FARS2: variants seen among roughly 807,000 people sequenced by gnomAD.
FARS2 encodes phenylalanine--tRNA ligase, mitochondrial.
FARS2 carries 40 observed loss-of-function variants against 46.4 expected under a neutral mutation model. That is an observed-to-expected ratio of 0.86 (90% CI 0.67 to 1.12). The LOEUF (loss-of-function observed/expected upper bound fraction) is 1.12, where lower values mean the gene tolerates loss of function less well. Among genes scored for constraint, FARS2 ranks in the 50% most tolerant of loss-of-function variants. The pLI is 0.00. For synonymous variants in FARS2, 234 were observed against 214.9 expected, an observed-to-expected ratio of 1.09 and a Z score of -0.78; for missense variants, 513 against 567.9, an observed-to-expected ratio of 0.90 and a Z score of 0.98.
intron 4 of FARS2, among the ~76,000 whole-genome samples, chr6:5,466,347 C>G (rs943775076): frequency 7.2e-5 from 11 of 152,326 alleles, no homozygotes; most frequent in African/African-American, 2.6e-4. Flanking sequence ...CTGTGTACCT[C>G]TCTCCGGTGC....
intron 3 of FARS2, among the ~76,000 whole-genome samples, chr6:5,417,653 G>A (rs180940955): frequency 1.3e-5 from 2 of 152,224 alleles, no homozygotes; most frequent in East Asian, 3.9e-4. Flanking sequence ...TTCTCTCTGA[G>A]TCGTTTTGCA....
chr6:5,413,187 G>A (rs1292299374), intron 3 of FARS2, among the ~76,000 whole-genome samples: 1 of 152,206 alleles, frequency 6.6e-6, no homozygotes, highest in Non-Finnish European at 1.5e-5. Context: ...CAATAGTTGA[G>A]CTGAACTATA....
chr6:5,359,029 C>CTTTTTTTTTTTTT lies in FARS2; in HGVS notation c.-21-9521_-21-9520insTTTTTTTTTTTTT, dbSNP rs764897456. On this transcript the variant is annotated intron_variant, in intron 1 of 6. Coordinates refer to ENST00000274680, the MANE Select transcript of FARS2 (RefSeq NM_006567.5). ...TCGAATTATAGTGATGAAAAGATAC[C>CTTTTTTTTTTTTT]CTTTTTTTTTTTTTTTTTTTTTTTT... Among the ~76,000 whole-genome samples, 22 of 72,516 alleles carry CTTTTTTTTTTTTT rather than the reference C, an allele frequency of 3.0e-4. 9 individuals are homozygous for CTTTTTTTTTTTTT. Among genetic ancestry groups the CTTTTTTTTTTTTT allele is most frequent in the African/African-American group, 6.3e-4 (14 of 22,052 alleles). The allele number at this position is 72,516 out of a possible 152,430, so 47.6% of individuals were successfully genotyped here.
At chr6:5,275,656 T>C (rs1766283215) in intron 1 of FARS2, among the ~76,000 whole-genome samples, 1 of 152,096 alleles carries the variant, frequency 6.6e-6, no homozygotes, top group Non-Finnish European at 1.5e-5. Flanking sequence ...TAACATGAAG[T>C]GTTCAGCCAC....
intron 5 of FARS2, among the ~76,000 whole-genome samples, chr6:5,547,107 A>G (rs947137518): frequency 6.6e-6 from 1 of 151,952 alleles, no homozygotes. Flanking sequence ...ATACACTGCC[A>G]TGCCTGGCTA....
intron 6 of FARS2, among the ~76,000 whole-genome samples, chr6:5,651,946 T>A (rs1777389068): frequency 6.6e-6 from 1 of 152,066 alleles, no homozygotes; most frequent in Non-Finnish European, 1.5e-5. Flanking sequence ...GATGACAAGT[T>A]AACACAGCTG....
At chr6:5,545,727 CTG>C (rs1398919270) in intron 5 of FARS2, among the ~76,000 whole-genome samples, 3 of 152,128 alleles carry the variant, frequency 2.0e-5, no homozygotes, top group African/African-American at 7.2e-5. Flanking sequence ...TTCTGTTTCT[CTG>C]TTAGTTTGCT....
At chr6:5,507,615 G>T (rs1389647285) in intron 4 of FARS2, among the ~76,000 whole-genome samples, 1 of 152,206 alleles carries the variant, frequency 6.6e-6, no homozygotes, top group Non-Finnish European at 1.5e-5. Flanking sequence ...AGGAAGCAGA[G>T]CTGTTCATTG....
intron 1 of FARS2, chr6:5,272,515 C>G (rs1581661840): frequency 6.6e-6 from 1 of 151,908 alleles, no homozygotes; most frequent in East Asian, 1.9e-4. Flanking sequence ...GTCTCAGATT[C>G]TTTTATTTAT....
At chr6:5,588,797 C>A in intron 5 of FARS2, among the ~76,000 whole-genome samples, 1 of 152,198 alleles carries the variant, frequency 6.6e-6, no homozygotes, top group East Asian at 1.9e-4. Context: ...CCAACTGCCT[C>A]ATCTGTGATC....
chr6:5,712,868 G>A (rs939910340), intron 6 of FARS2, among the ~76,000 whole-genome samples: 2 of 152,226 alleles, frequency 1.3e-5, no homozygotes, highest in South Asian at 2.1e-4. Flanking sequence ...AACCTGTTAC[G>A]AATGCTTAGT....
At chr6:5,525,042 A>G (rs926313195) in intron 4 of FARS2, among the ~76,000 whole-genome samples, 1 of 151,936 alleles carries the variant, frequency 6.6e-6, no homozygotes, top group Non-Finnish European at 1.5e-5. Context: ...TGGCCAATAA[A>G]TAGGCCTCTG....
chr6:5,323,225 T>C (rs553225157), intron 1 of FARS2, among the ~76,000 whole-genome samples: 1 of 152,234 alleles, frequency 6.6e-6, no homozygotes, highest in Non-Finnish European at 1.5e-5. Context: ...ATTCTAGATT[T>C]TTCTCTGATC....
chr6:5,708,531 C>T (rs1008330821), intron 6 of FARS2, among the ~76,000 whole-genome samples: 3 of 152,176 alleles, frequency 2.0e-5, no homozygotes, highest in Admixed American at 6.5e-5. Context: ...ACTTCAGTTT[C>T]ATCCAGCAGA....
chr6:5,722,869 A>G (rs568618678), intron 6 of FARS2, among the ~76,000 whole-genome samples: 23 of 152,322 alleles, frequency 1.5e-4, no homozygotes, highest in Non-Finnish European at 2.4e-4. Flanking sequence ...CTAGTTATGA[A>G]GTTGTAAATA....
At chr6:5,677,514 A>T (rs1778826223) in intron 6 of FARS2, among the ~76,000 whole-genome samples, 1 of 152,220 alleles carries the variant, frequency 6.6e-6, no homozygotes, top group African/African-American at 2.4e-5. Context: ...AATACTTTCC[A>T]ACAATCAGAA....
At chr6:5,720,257 G>T (rs183692264) in intron 6 of FARS2, among the ~76,000 whole-genome samples, 52 of 152,312 alleles carry the variant, frequency 3.4e-4, no homozygotes, top group Middle Eastern at 3.4e-3. Context: ...GTGATTCTGA[G>T]GGTAACTTCT....
At chr6:5,542,402 A>G (rs977982637) in intron 4 of FARS2, among the ~76,000 whole-genome samples, 13 of 152,184 alleles carry the variant, frequency 8.5e-5, no homozygotes, top group Admixed American at 1.3e-4. Flanking sequence ...TCCAGTGCAC[A>G]TGTTTCCATA....
chr6:5,699,510 A>G (rs1245366528), intron 6 of FARS2, among the ~76,000 whole-genome samples: 4 of 142,514 alleles, frequency 2.8e-5, no homozygotes, highest in Admixed American at 2.1e-4. Flanking sequence ...ATCACAGGAG[A>G]TTTTTTTTTT....
Sources: gnomAD v4.1 joint callset for allele counts (sites outside exome capture counted in the v4.1 genomes callset) on GRCh38, gnomAD v4.1.1 for gene constraint, MANE v1.5 for transcripts, NCBI Gene and HGNC (gene_info 2026-07-23, HGNC 2026-07-21) for gene names.